The following GLIS1 variants were observed in gnomAD, a reference collection of about 807,000 sequenced individuals.
GLIS1 encodes the protein zinc finger protein GLIS1.
A neutral mutation model predicts 63.8 loss-of-function variants in GLIS1; 24 were observed. The observed-to-expected ratio is 0.38, with a 90% CI of 0.27 to 0.53. The LOEUF (loss-of-function observed/expected upper bound fraction) is 0.53. Among genes scored for constraint, GLIS1 ranks in the 20% least tolerant of loss-of-function variants. GLIS1 has a pLI of 0.85. For synonymous variants in GLIS1, 450 were observed against 482.5 expected, an observed-to-expected ratio of 0.93 and a Z score of 0.88; for missense variants, 1,036 against 1,074.1, an observed-to-expected ratio of 0.96 and a Z score of 0.50.
At chr1:53,654,727 C>T (rs533743441) in intron 2 of GLIS1, among the ~76,000 whole-genome samples, 1 of 152,122 alleles carries the variant, frequency 6.6e-6, no homozygotes, top group African/African-American at 2.4e-5. Flanking sequence ...AGGACTGAGG[C>T]GACTGCAGCC....
intron 2 of GLIS1, among the ~76,000 whole-genome samples, chr1:53,720,621 T>C (rs1189001775): frequency 6.6e-6 from 1 of 152,126 alleles, no homozygotes; most frequent in African/African-American, 2.4e-5. Flanking sequence ...ACAAAATAGC[T>C]GGAGGAGAGG....
chr1:53,676,605 C>A (rs1557516439), intron 2 of GLIS1, among the ~76,000 whole-genome samples: 1 of 152,166 alleles, frequency 6.6e-6, no homozygotes, highest in Non-Finnish European at 1.5e-5. Flanking sequence ...CAGCACCCCG[C>A]ACGCACCCCC....
At chr1:53,688,153 C>G (rs898107892) in intron 2 of GLIS1, among the ~76,000 whole-genome samples, 9 of 152,234 alleles carry the variant, frequency 5.9e-5, no homozygotes, top group African/African-American at 1.9e-4. Context: ...CGCTCTCGGT[C>G]CCTGATTCAA....
intron 3 of GLIS1, among the ~76,000 whole-genome samples, chr1:53,597,200 A>AAAAAAAAAAAAC (rs1645265812): frequency 7.0e-6 from 1 of 143,186 alleles, no homozygotes; most frequent in African/African-American, 2.7e-5. Flanking sequence ...AAAAAAAAAA[A>AAAAAAAAAAAAC]AAAAAAAAAA....
intron 2 of GLIS1, among the ~76,000 whole-genome samples, chr1:53,726,183 A>G (rs575023025): frequency 6.6e-6 from 1 of 152,244 alleles, no homozygotes; most frequent in South Asian, 2.1e-4. Context: ...AGTGGGTAAC[A>G]TTGGACCCAA....
chr1:53,697,665 C>A (rs937845603), intron 2 of GLIS1, among the ~76,000 whole-genome samples: 4 of 152,246 alleles, frequency 2.6e-5, no homozygotes, highest in East Asian at 3.9e-4. Flanking sequence ...ATCCATCACA[C>A]TCCTTCCACA....
At chr1:53,589,425 G>T (rs779889350) in intron 4 of GLIS1, among the ~76,000 whole-genome samples, 1 of 152,200 alleles carries the variant, frequency 6.6e-6, no homozygotes, top group Non-Finnish European at 1.5e-5. Context: ...GTAAAGGTTT[G>T]GGGCAAGGCA....
chr1:53,724,260 C>A (rs1178518823), intron 2 of GLIS1, among the ~76,000 whole-genome samples: 1 of 152,136 alleles, frequency 6.6e-6, no homozygotes, highest in African/African-American at 2.4e-5. Flanking sequence ...AGGTGAGGAA[C>A]AAATGAATAC....
chr1:53,711,735 C>A (rs1359306341), intron 2 of GLIS1, among the ~76,000 whole-genome samples: 1 of 152,246 alleles, frequency 6.6e-6, no homozygotes, highest in African/African-American at 2.4e-5. Flanking sequence ...GCATAACCTT[C>A]ACAAGTAGCA....
Position 53,738,113 on chromosome 1 carries a change from A to C in GLIS1, c.-42-7T>G. ...TGGGGGTCGCGCCGGGCTCCTGGGG[A>C]GGGGAGACAGCACAGCCAGTTAGAA... On this transcript the variant is annotated splice_polypyrimidine_tract_variant and splice_region_variant and intron_variant, in intron 1 of 10. Transcript: ENST00000628545. The C allele has an allele frequency of 2.5e-6, 3 of 1,220,756 alleles. No homozygotes were observed. Among genetic ancestry groups the C allele is most frequent in the Non-Finnish European group, 2.0e-6 (2 of 978,916 alleles). The allele number at this position is 1,220,756 out of a possible 1,614,324, so 75.6% of individuals were successfully genotyped here.
intron 7 of GLIS1, among the ~76,000 whole-genome samples, chr1:53,520,080 C>T (rs1045529992): frequency 2.0e-4 from 30 of 152,154 alleles, no homozygotes; most frequent in Admixed American, 1.2e-3. Flanking sequence ...GTGGGGGAGA[C>T]AGATGGGCAG....
intron 4 of GLIS1, among the ~76,000 whole-genome samples, chr1:53,573,329 G>A (rs1645001292): frequency 6.6e-6 from 1 of 152,026 alleles, no homozygotes; most frequent in South Asian, 2.1e-4. Flanking sequence ...TCTAAGCTTT[G>A]AGAATGGGGG....
chr1:53,730,127 C>T (rs1209111387), intron 2 of GLIS1, among the ~76,000 whole-genome samples: 2 of 152,058 alleles, frequency 1.3e-5, no homozygotes, highest in Non-Finnish European at 2.9e-5. Flanking sequence ...TCAGTGACTC[C>T]GCGGAGGCCT....
intron 8 of GLIS1, among the ~76,000 whole-genome samples, chr1:53,513,925 G>T (rs1229679935): frequency 6.6e-6 from 1 of 152,246 alleles, no homozygotes; most frequent in East Asian, 1.9e-4. Flanking sequence ...AGGCCTGCGG[G>T]GACAAGGTGA....
At chr1:53,589,409 AG>A (rs1020343335) in intron 4 of GLIS1, among the ~76,000 whole-genome samples, 10 of 152,000 alleles carry the variant, frequency 6.6e-5, no homozygotes. Flanking sequence ...GGGCTGGCGG[AG>A]GGGGGTAAAG....
chr1:53,514,550 G>A (rs373393928), intron 8 of GLIS1, 75 bp downstream of exon 8: 78 of 1,456,252 alleles, frequency 5.4e-5, no homozygotes, highest in Non-Finnish European at 7.0e-5. Flanking sequence ...GATAGTGCGG[G>A]ACACCTGCTC....
At position 53,515,816 on chromosome 1, in the gene GLIS1, T is replaced by TAAA. The variant is rs58953406; in HGVS notation, c.1727-1038_1727-1036dup. Among the ~76,000 whole-genome samples the TAAA allele has an allele frequency of 7.2e-4, 50 of 69,176 alleles. 1 individual carries two copies. Among genetic ancestry groups the TAAA allele is most frequent in the African/African-American group, 2.4e-3 (45 of 18,466 alleles). The allele number at this position is 69,176 out of a possible 152,430, so 45.4% of individuals were successfully genotyped here. On this transcript the variant is annotated intron_variant, in intron 7 of 10. Transcript: ENST00000628545. ...AGTTTTTGATGTTCCCTATTTTATC[T>TAAA]AAAAAAAAAAAAAAAAAAAAAAAAA...
chr1:53,550,942 C>G (rs949757193), intron 4 of GLIS1, among the ~76,000 whole-genome samples: 4 of 152,128 alleles, frequency 2.6e-5, no homozygotes, highest in African/African-American at 7.2e-5. Flanking sequence ...CCTCTGCCTC[C>G]CGGGTTCAAG....
At chr1:53,634,318 G>T (rs1212234623) in intron 2 of GLIS1, among the ~76,000 whole-genome samples, 3 of 152,130 alleles carry the variant, frequency 2.0e-5, no homozygotes, top group African/African-American at 2.4e-5. Context: ...TAATACAGAT[G>T]AGACCACAAA....
Sources: gnomAD v4.1 joint callset for allele counts (sites outside exome capture counted in the v4.1 genomes callset) on GRCh38, gnomAD v4.1.1 for gene constraint, MANE v1.5 for transcripts, NCBI Gene and HGNC (gene_info 2026-07-23, HGNC 2026-07-21) for gene names.